The following MYH14 variants were observed in gnomAD, a reference collection of about 807,000 sequenced individuals.
The protein encoded by MYH14 is myosin heavy chain 14.
In MYH14, 123 loss-of-function variants were observed where a neutral mutation model predicts 255.5. The ratio of observed to expected loss-of-function variants is 0.48; its 90% CI spans 0.42 to 0.56. The LOEUF (loss-of-function observed/expected upper bound fraction) is 0.56. Among genes scored for constraint, MYH14 ranks in the 20% least tolerant of loss-of-function variants. The probability of loss-of-function intolerance (pLI) is 0.00; values close to 1 mark genes in which losing one functional copy is unlikely to be tolerated. For missense variants in MYH14, 2,423 were observed against 2,802.3 expected, an observed-to-expected ratio of 0.86 and a Z score of 3.06; for synonymous variants, 1,095 against 1,161.2, an observed-to-expected ratio of 0.94 and a Z score of 1.16.
chr19:50,209,540 T>G (rs1453684863), intron 1 of MYH14, among the ~76,000 whole-genome samples: 1 of 152,046 alleles, frequency 6.6e-6, no homozygotes, highest in Non-Finnish European at 1.5e-5. Context: ...ATCCCAGCAC[T>G]TTGGGAGGCC....
In MYH14 at chr19:50,301,707, C is replaced by A. The variant is rs368219210; in HGVS notation, c.5516C>A (p.Ala1839Asp). The A allele has an allele frequency of 2.9e-5, 46 of 1,613,858 alleles. No homozygotes were observed. In the East Asian group the frequency reaches 9.8e-4, roughly 34 times the overall value. ...TELSAERSFSAKAESGRQQLE... is the reference protein window; with the variant it reads ...TELSAERSFSDKAESGRQQLE... ...CTGTCAGCTGAGCGCAGTTTCTCAG[C>A]CAAGGCAGAGAGCGGGCGGCAGCAG... Residue 1839 changes from alanine to aspartate, a missense_variant, in exon 40 of 43, where the codon GCC becomes GAC. Ala to Asp is a moderately radical substitution (Grantham distance 126). This residue lies in a region of MYH14 where 1,513 missense variants were observed against 1,674.8 expected (regional missense o/e 0.90). Transcript: ENST00000642316.
rs727503227 is a variant in MYH14, at chr19:50,281,744, C to T, written c.4441C>T (p.Arg1481Cys). The change falls in exon 33 of 43, where the codon CGC becomes TGC. Residue 1481 changes from arginine (R) to cysteine (C), a missense_variant. Physicochemically the swap from Arg to Cys is radical, Grantham distance 180 (BLOSUM62 -3). Coordinates refer to ENST00000642316, the MANE Select transcript of MYH14 (RefSeq NM_001145809.2). Reference sequence around the variant, plus strand: ...CGTGGATCGGCTGGAGCGGGGCCGCCGCCGGCTGCAGCAGGAGCTGGACGA... The same window carrying T: ...CGTGGATCGGCTGGAGCGGGGCCGCTGCCGGCTGCAGCAGGAGCTGGACGA... Reference protein sequence around the residue: ...ETVDRLERGRRRLQQELDDAT... With the variant: ...ETVDRLERGRCRLQQELDDAT... The T allele has an allele frequency of 3.5e-5, 56 of 1,611,826 alleles. No homozygotes were observed. The highest frequency in any genetic ancestry group is 8.3e-5 in the Admixed American group (5 of 59,898).
At chr19:50,298,523 T>G (rs1005919723) in intron 39 of MYH14, among the ~76,000 whole-genome samples, 45 of 151,998 alleles carry the variant, frequency 3.0e-4, no homozygotes, top group African/African-American at 1.1e-3. Flanking sequence ...CCCAGCACTC[T>G]GGGAGGCCGA....
At chr19:50,289,147 G>A (rs1235622259) in intron 34 of MYH14, among the ~76,000 whole-genome samples, 1 of 152,170 alleles carries the variant, frequency 6.6e-6, no homozygotes, top group Non-Finnish European at 1.5e-5. Context: ...AATCCACCAT[G>A]AGTGAGAGTC....
chr19:50,207,414 C>T (rs527589460), intron 1 of MYH14, among the ~76,000 whole-genome samples: 6 of 151,970 alleles, frequency 3.9e-5, no homozygotes, highest in Non-Finnish European at 7.4e-5. Context: ...GCCACTACTG[C>T]CCATGGCCCG....
chr19:50,263,425 G>A lies in MYH14; in HGVS notation c.2694+5G>A. 1 of 1,583,994 alleles carries A rather than the reference G, an allele frequency of 6.3e-7. No homozygotes were observed. ...TGGTGGCGGCTGTTTACCAAGGTGA[G>A]GGCAGCCTGGGGAGGTGGCCCCAGT... is the stretch of plus-strand genomic sequence containing the variant. On this transcript the variant is annotated splice_donor_5th_base_variant and intron_variant, in intron 22 of 42. Coordinates refer to ENST00000642316, the MANE Select transcript of MYH14 (RefSeq NM_001145809.2).
Position 50,291,056 on chromosome 19 carries a change from C to T in MYH14, c.5127+8C>T. ...CAGCTTCGCAAGATGCAGGTAAGAG[C>T]CGGCGTGAGCTGCAGGGAGGGGAGG... On this transcript the variant is annotated splice_region_variant and intron_variant, in intron 36 of 42. Transcript: ENST00000642316. 1 of 1,611,810 alleles carries T rather than the reference C, an allele frequency of 6.2e-7. No individual in the cohort carries two copies. Among genetic ancestry groups the T allele is most frequent in the Non-Finnish European group, 8.5e-7 (1 of 1,179,068 alleles).
rs367613842 is a variant in MYH14 at position 50,293,431 on chromosome 19, G to T, written c.5345+110G>T. 1.4e-4 allele frequency: 216 copies of T among 1,527,670 alleles called. 1 individual carries two copies. In the East Asian group the frequency reaches 3.1e-3, roughly 22 times the overall value. 94.6% of individuals were successfully genotyped at this position (1,527,670 alleles called of 1,614,324 possible). On this transcript the variant is annotated intron_variant, in intron 38 of 42. Coordinates refer to ENST00000642316, the MANE Select transcript of MYH14 (RefSeq NM_001145809.2). The surrounding 1 kb of genome is among the most constrained non-coding windows in gnomAD (Gnocchi z 4.1). ...GACAGGAAACTGGGAGGTGGGCGGG[G>T]TTAACCTCGGGGCCCCTGGGGTGTG...
At chr19:50,224,785 A>G (rs1443825087) in intron 6 of MYH14, 4 of 456,240 alleles carry the variant, frequency 8.8e-6, no homozygotes, top group Non-Finnish European at 1.8e-5. Context: ...AGCACTTTAC[A>G]TAGGTGGTAC....
Position 50,245,621 on chromosome 19 carries a change from C to A in MYH14, c.1210+1284C>A, listed in dbSNP as rs151124485. Reference sequence around the variant, plus strand: ...TGGAATCGTGCTTCACCCCCTCTTCCCCTGGAGACAGCAAGAGCTTTCTGT... The same window carrying A: ...TGGAATCGTGCTTCACCCCCTCTTCACCTGGAGACAGCAAGAGCTTTCTGT... On this transcript the variant is annotated intron_variant, in intron 11 of 42. Transcript: ENST00000642316. Among the ~76,000 whole-genome samples the A allele has an allele frequency of 4.0e-3, 605 of 152,202 alleles. 5 individuals carry two copies. The highest frequency in any genetic ancestry group is 0.013 in the African/African-American group (560 of 41,514).
chr19:50,272,598 G>C lies in MYH14; in HGVS notation c.3334G>C (p.Glu1112Gln). ...RKEEKGRQEL[E>Q]KLKRRLDGES... ...GGAGGAGAAGGGTCGCCAGGAGCTG[G>C]AGAAGCTGAAGCGGAGGCTGGATGG... is the stretch of plus-strand genomic sequence containing the variant. Residue 1112 changes from glutamate to glutamine, a missense_variant, in exon 27 of 43, where the codon GAG becomes CAG. By Grantham distance (29) the Glu-to-Gln change is conservative. This residue lies in a region of MYH14 where 1,513 missense variants were observed against 1,674.8 expected (regional missense o/e 0.90). Coordinates refer to ENST00000642316, the MANE Select transcript of MYH14 (RefSeq NM_001145809.2). 1 of 1,581,916 alleles carries C rather than the reference G, an allele frequency of 6.3e-7. No homozygotes were observed. The highest frequency in any genetic ancestry group is 8.6e-7 in the Non-Finnish European group (1 of 1,164,958).
chr19:50,271,628 G>A (rs2035305658), intron 25 of MYH14, 82 bp downstream of exon 25: 4 of 1,536,378 alleles, frequency 2.6e-6, no homozygotes, highest in Admixed American at 3.9e-5. Context: ...CGCCATGGGG[G>A]TTACCACACT....
chr19:50,272,634 G>A lies in MYH14; in HGVS notation c.3370G>A (p.Glu1124Lys). The A allele has an allele frequency of 1.3e-6, 2 of 1,571,312 alleles. No individual in the cohort carries two copies. The highest frequency in any genetic ancestry group is 1.7e-6 in the Non-Finnish European group (2 of 1,159,108). Residue 1124 changes from glutamate (E) to lysine (K), a missense_variant, in exon 27 of 43, where the codon GAG (glutamate) becomes AAG (lysine). Physicochemically the swap from Glu to Lys is moderately conservative, Grantham distance 56. Coordinates refer to ENST00000642316, the MANE Select transcript of MYH14 (RefSeq NM_001145809.2). ...LKRRLDGESSELQEQMVEQQQ... is the reference protein window; with the variant it reads ...LKRRLDGESSKLQEQMVEQQQ... The stretch of plus-strand genomic sequence containing the variant: ...GCGGAGGCTGGATGGGGAGAGCTCA[G>A]AGCTGCAGGAGCAGATGGTGGAGCA...
intron 10 of MYH14, among the ~76,000 whole-genome samples, chr19:50,232,492 G>C (rs979126251): frequency 6.6e-6 from 1 of 151,194 alleles, no homozygotes; most frequent in Non-Finnish European, 1.5e-5. Flanking sequence ...TACTCAGGAG[G>C]CTTAGGCAGG....
chr19:50,285,793 CTTTT>C (rs1426811505), intron 33 of MYH14: 3 of 152,044 alleles, frequency 2.0e-5, no homozygotes, highest in Non-Finnish European at 4.4e-5. Flanking sequence ...AATCTTCTTT[CTTTT>C]TCTTTCTTTG....
In MYH14 at chr19:50,307,149, C is replaced by T. The variant is rs772329850; in HGVS notation, c.5779C>T (p.Arg1927Trp). ...GGAGCGGAGGGTGGCTGACCAGCTC[C>T]GGGACCAGGTAAGCAGCTGGCATCA... Reference protein sequence around the residue: ...EEERRVADQLRDQLEKGNLRV... With the variant: ...EEERRVADQLWDQLEKGNLRV... Residue 1927 changes from arginine to tryptophan, a missense_variant, in exon 41 of 43, where the codon CGG (arginine) becomes TGG (tryptophan). By Grantham distance (101) the Arg-to-Trp change is moderately radical. Coordinates refer to ENST00000642316, the MANE Select transcript of MYH14 (RefSeq NM_001145809.2). 3.4e-5 allele frequency: 52 copies of T among 1,545,636 alleles called. No homozygotes were observed. The Middle Eastern group carries it at 1.1e-3, about 32-fold the overall frequency.
intron 3 of MYH14, among the ~76,000 whole-genome samples, chr19:50,219,111 GAT>G (rs200586547): frequency 1.3e-4 from 18 of 138,594 alleles, no homozygotes; most frequent in African/African-American, 2.3e-4. Flanking sequence ...CACACCATGG[GAT>G]ATATATGTGT....
rs1306195687 is a variant in MYH14 at position 50,278,146 on chromosome 19, G to C, written c.3889G>C (p.Glu1297Gln). The change falls in exon 30 of 43, where the codon GAA becomes CAA. Residue 1297 changes from glutamate to glutamine, a missense_variant. Physicochemically the swap from Glu to Gln is conservative, Grantham distance 29. This residue lies in a region of MYH14 where 1,513 missense variants were observed against 1,674.8 expected (regional missense o/e 0.90). Transcript: ENST00000642316. Reference protein sequence around the residue: ...LEAEVSELRAELSSLQTARQE... With the variant: ...LEAEVSELRAQLSSLQTARQE... Reference sequence around the variant, plus strand: ...GGCCGAGGTGTCCGAGCTGCGGGCAGAACTGAGCAGCCTGCAGACTGCACG... The same window carrying C: ...GGCCGAGGTGTCCGAGCTGCGGGCACAACTGAGCAGCCTGCAGACTGCACG... 6.2e-7 allele frequency: 1 copy of C among 1,610,878 alleles called. No individual in the cohort carries two copies. Among genetic ancestry groups the C allele is most frequent in the African/African-American group, 1.3e-5 (1 of 75,022 alleles).
At chr19:50,273,509 A>C (rs1283619771) in intron 27 of MYH14, among the ~76,000 whole-genome samples, 1 of 152,032 alleles carries the variant, frequency 6.6e-6, no homozygotes. Flanking sequence ...TGCTTCATGC[A>C]ATCTAAGACC....
Sources: allele counts gnomAD v4.1 joint callset (sites outside exome capture counted in the v4.1 genomes callset), GRCh38; gene constraint gnomAD v4.1.1; regional missense constraint gnomAD v4.1.1; non-coding constraint Gnocchi (gnomAD v3.1); transcripts MANE v1.5; gene names NCBI Gene and HGNC (gene_info 2026-07-23, HGNC 2026-07-21).